Variants in KIF15 observed in about 807,000 individuals in gnomAD.
KIF15 encodes kinesin family member 15, also known as kinesin-like protein KIF15.
KIF15 carries 140 observed loss-of-function variants against 190.6 expected under a neutral mutation model. That is an observed-to-expected ratio of 0.73 (90% CI 0.64 to 0.84). KIF15 has a LOEUF of 0.84. Among genes scored for constraint, KIF15 ranks in the 40% least tolerant of loss-of-function variants. The pLI is 0.00. For synonymous variants in KIF15, 528 were observed against 551.3 expected, an observed-to-expected ratio of 0.96 and a Z score of 0.59; for missense variants, 1,372 against 1,584.4, an observed-to-expected ratio of 0.87 and a Z score of 2.28.
At chr3:44,807,600 A>T (rs1429067005) in intron 16 of KIF15, among the ~76,000 whole-genome samples, 1 of 152,164 alleles carries the variant, frequency 6.6e-6, no homozygotes, top group East Asian at 1.9e-4. Flanking sequence ...CAAGAACTGG[A>T]GGCAATCAGT....
chr3:44,830,316 C>T (rs1698003307), intron 25 of KIF15, among the ~76,000 whole-genome samples: 1 of 152,118 alleles, frequency 6.6e-6, no homozygotes, highest in Admixed American at 6.6e-5. Context: ...TTTCACTGAT[C>T]TGGGACAATG....
At chr3:44,828,159 A>G (rs1439951326) in intron 23 of KIF15, 55 bp from the exon 24 acceptor site, 4 of 1,224,800 alleles carry the variant, frequency 3.3e-6, no homozygotes, top group Non-Finnish European at 3.6e-6. Flanking sequence ...ATCTGTGTGT[A>G]TGGTTAACTT....
At chr3:44,836,333 C>T (rs906641528) in intron 26 of KIF15, among the ~76,000 whole-genome samples, 26 of 151,206 alleles carry the variant, frequency 1.7e-4, no homozygotes, top group African/African-American at 5.8e-4. Flanking sequence ...TCTATCTGGG[C>T]GACAGAGCAA....
At chr3:44,788,947 G>A (rs986721284) in intron 7 of KIF15, among the ~76,000 whole-genome samples, 3 of 152,150 alleles carry the variant, frequency 2.0e-5, no homozygotes, top group Admixed American at 6.6e-5. Context: ...AGTAAGTTAT[G>A]TATTTTAGAA....
chr3:44,775,351 C>T lies in KIF15; in HGVS notation c.160C>T (p.Leu54=). The T allele has an allele frequency of 6.2e-7, 1 of 1,613,996 alleles. No individual in the cohort carries two copies. ...AGAGCAGAACTTATGCTTATCTGTG[C>T]TGTCCTCCACGAGTCTCCGGCTGCA... ...DGEQNLCLSV[L]SSTSLRLHSN... is the part of the protein sequence containing the mutation. The change falls in exon 3 of 35, where the codon CTG becomes TTG. Residue 54 remains leucine (L), a synonymous_variant. Transcript: ENST00000326047.
At chr3:44,787,170 A>T (rs1469075867) in intron 7 of KIF15, among the ~76,000 whole-genome samples, 1 of 152,212 alleles carries the variant, frequency 6.6e-6, no homozygotes, top group Non-Finnish European at 1.5e-5. Flanking sequence ...CCCTGGTATC[A>T]CCAGTACTAT....
At position 44,826,196 on chromosome 3, in the gene KIF15, T is replaced by C; in HGVS notation, c.2700+7T>C. ...TCTGAAATCTGATCTGAATGTATGTTAAGAAGGGTGAATTTGTCCCGCATC... is the reference window on the plus strand; with the variant it reads ...TCTGAAATCTGATCTGAATGTATGTCAAGAAGGGTGAATTTGTCCCGCATC... On this transcript the variant is annotated splice_region_variant and intron_variant, in intron 21 of 34. Coordinates refer to ENST00000326047, the MANE Select transcript of KIF15 (RefSeq NM_020242.3). 1.9e-6 allele frequency: 3 copies of C among 1,566,876 alleles called. No homozygotes were observed. Among genetic ancestry groups the C allele is most frequent in the Non-Finnish European group, 2.6e-6 (3 of 1,165,622 alleles).
chr3:44,789,688 AT>A (rs1559535603), intron 7 of KIF15, among the ~76,000 whole-genome samples: 24 of 95,164 alleles, frequency 2.5e-4, no homozygotes, highest in East Asian at 2.0e-3. Flanking sequence ...ATATATATAT[AT>A]ATAAAATAGA....
In KIF15 at chr3:44,780,939, T is replaced by C. The variant is rs1479813635; in HGVS notation, c.361+17T>C. 2 of 1,575,970 alleles carry C rather than the reference T, an allele frequency of 1.3e-6. No individual in the cohort carries two copies. Among genetic ancestry groups the C allele is most frequent in the Non-Finnish European group, 1.7e-6 (2 of 1,148,904 alleles). On this transcript the variant is annotated intron_variant, in intron 5 of 34. Transcript: ENST00000326047. Reference sequence around the variant, plus strand: ...CTATGATGGGTAAGTAAAGATTAACTTTTGTTGGCTTAATCTACTCTTTCT... The same window carrying C: ...CTATGATGGGTAAGTAAAGATTAACCTTTGTTGGCTTAATCTACTCTTTCT...
rs1198698961 is a variant in KIF15 at position 44,786,469 on chromosome 3, G to A, written c.534G>A (p.Leu178=). 2 of 1,613,802 alleles carry A rather than the reference G, an allele frequency of 1.2e-6. No homozygotes were observed. The highest frequency in any genetic ancestry group is 1.7e-6 in the Non-Finnish European group (2 of 1,179,812). Residue 178 remains leucine, a synonymous_variant, in exon 7 of 35, where the codon CTG becomes CTA. Coordinates refer to ENST00000326047, the MANE Select transcript of KIF15 (RefSeq NM_020242.3). ...EIYNEQIYDL[L]DSASAGLYLR... ...ACAACGAGCAGATATATGATCTACT[G>A]GACTCTGCATCGGCTGGACTGTACT... is the stretch of plus-strand genomic sequence containing the variant.
intron 17 of KIF15, 42 bp from the exon 18 acceptor site, chr3:44,812,140 C>A (rs1707812598): frequency 7.3e-7 from 1 of 1,369,318 alleles, no homozygotes; most frequent in South Asian, 1.2e-5. Context: ...TTTGAGAATT[C>A]CATTAAAATA....
intron 6 of KIF15, among the ~76,000 whole-genome samples, chr3:44,868,672 T>C (rs1476244558): frequency 6.6e-6 from 1 of 152,134 alleles, no homozygotes; most frequent in East Asian, 1.9e-4. Context: ...AAAATAAATA[T>C]CTGTTGTTTA....
intron 26 of KIF15, among the ~76,000 whole-genome samples, chr3:44,831,300 C>T (rs1698060164): frequency 6.6e-6 from 1 of 151,934 alleles, no homozygotes. Flanking sequence ...ATACTGTCTC[C>T]TTTGAGGAGA....
In KIF15 at chr3:44,810,855, A is replaced by G; in HGVS notation, c.1981A>G (p.Thr661Ala). The part of the protein sequence containing the change: ...IHAETLKIIT[T>A]PTKAYQLHSR... ...TCATTTTTTGCTGCAGATTATAACT[A>G]CACCAACCAAGGCCTACCAACTTCA... The change falls in exon 17 of 35, where the codon ACA becomes GCA. Residue 661 changes from threonine to alanine, a missense_variant. Transcript: ENST00000326047. 1 of 1,610,788 alleles carries G rather than the reference A, an allele frequency of 6.2e-7. No individual in the cohort carries two copies. Among genetic ancestry groups the G allele is most frequent in the Non-Finnish European group, 8.5e-7 (1 of 1,178,972 alleles).
chr3:44,852,647 C>A, intron 34 of KIF15, 26 bp from the exon 35 acceptor site: 1 of 1,512,852 alleles, frequency 6.6e-7, no homozygotes, highest in South Asian at 1.2e-5. Context: ...TATTTTTTTT[C>A]TTTTTGTTTT....
intron 7 of KIF15, among the ~76,000 whole-genome samples, chr3:44,788,130 G>T (rs1013340266): frequency 6.6e-6 from 1 of 152,184 alleles, no homozygotes; most frequent in African/African-American, 2.4e-5. Flanking sequence ...TAGGATTATA[G>T]GCATGAGCTA....
At chr3:44,788,730 GAC>G (rs1311795005) in intron 7 of KIF15, among the ~76,000 whole-genome samples, 2 of 152,166 alleles carry the variant, frequency 1.3e-5, no homozygotes, top group African/African-American at 4.8e-5. Flanking sequence ...ATAGGCGTGA[GAC>G]ACTGCACCTG....
At chr3:44,856,946 A>C (rs1699195800), downstream of KIF15, among the ~76,000 whole-genome samples, 1 of 152,060 alleles carries the variant, frequency 6.6e-6, no homozygotes, top group African/African-American at 2.4e-5. Context: ...GCTTGCTGAG[A>C]GGTAGTGGAG....
At chr3:44,774,371 T>C in intron 1 of KIF15, 24 bp from the exon 2 acceptor site, 3 of 1,606,624 alleles carry the variant, frequency 1.9e-6, no homozygotes, top group Non-Finnish European at 2.6e-6. Flanking sequence ...TTAAATGACC[T>C]TTAATAACTT....
Sources: gnomAD v4.1 joint callset for allele counts (sites outside exome capture counted in the v4.1 genomes callset) on GRCh38, gnomAD v4.1.1 for gene constraint, MANE v1.5 for transcripts, NCBI Gene and HGNC (gene_info 2026-07-23, HGNC 2026-07-21) for gene names.